ERBB4: variants seen among roughly 807,000 people sequenced by gnomAD.
ERBB4 encodes the protein erb-b2 receptor tyrosine kinase 4.
In ERBB4, 42 loss-of-function variants were observed where a neutral mutation model predicts 158.0. That is an observed-to-expected ratio of 0.27 (90% CI 0.21 to 0.34). ERBB4 has a LOEUF of 0.34. Among genes scored for constraint, ERBB4 ranks in the 10% least tolerant of loss-of-function variants. The probability of loss-of-function intolerance (pLI) is 1.00; values close to 1 mark genes in which losing one functional copy is unlikely to be tolerated. For synonymous variants in ERBB4, 583 were observed against 558.7 expected (o/e 1.04, Z -0.61); for missense variants, 1,333 against 1,624.1 (o/e 0.82, Z 3.08).
intron 6 of ERBB4, among the ~76,000 whole-genome samples, chr2:211,723,204 G>A (rs186358443): frequency 6.2e-4 from 95 of 152,076 alleles, no homozygotes; most frequent in African/African-American, 1.5e-3. Flanking sequence ...CTGCTGACTC[G>A]TATATTTATA....
intron 20 of ERBB4, among the ~76,000 whole-genome samples, chr2:211,450,545 T>C (rs2064219618): frequency 6.6e-6 from 1 of 152,080 alleles, no homozygotes; most frequent in Non-Finnish European, 1.5e-5. Context: ...GTAATCGATT[T>C]GAAAGAAATT....
At chr2:212,228,168 G>T (rs1439889567) in intron 1 of ERBB4, among the ~76,000 whole-genome samples, 1 of 152,110 alleles carries the variant, frequency 6.6e-6, no homozygotes, top group Non-Finnish European at 1.5e-5. Flanking sequence ...GCACCATAAA[G>T]ATTTTAAAAA....
chr2:211,984,496 T>G (rs2125238322), intron 2 of ERBB4, among the ~76,000 whole-genome samples: 1 of 152,326 alleles, frequency 6.6e-6, no homozygotes, highest in Admixed American at 6.5e-5. Context: ...AACACTAATC[T>G]AAACCCTGTA....
At chr2:212,351,720 T>C (rs2089261132) in intron 1 of ERBB4, among the ~76,000 whole-genome samples, 1 of 152,222 alleles carries the variant, frequency 6.6e-6, no homozygotes, top group Admixed American at 6.5e-5. Context: ...AGTCATTTTT[T>C]TGTCTTTCTA....
intron 4 of ERBB4, among the ~76,000 whole-genome samples, chr2:211,772,477 G>C (rs868419517): frequency 2.0e-5 from 3 of 151,768 alleles, no homozygotes; most frequent in African/African-American, 7.3e-5. Context: ...AAAAGACCTA[G>C]GGGAAGATAA....
intron 1 of ERBB4, among the ~76,000 whole-genome samples, chr2:212,321,192 T>C (rs1047974011): frequency 8.0e-5 from 12 of 150,406 alleles, no homozygotes; most frequent in African/African-American, 2.7e-4. Flanking sequence ...AAGTTTTATA[T>C]TTTGCCATCG....
At chr2:212,020,392 G>A (rs1181425471) in intron 2 of ERBB4, among the ~76,000 whole-genome samples, 2 of 151,956 alleles carry the variant, frequency 1.3e-5, no homozygotes, top group Non-Finnish European at 2.9e-5. Flanking sequence ...TTGTTCTACT[G>A]GATATATCCA....
intron 12 of ERBB4, among the ~76,000 whole-genome samples, chr2:211,682,394 GC>G (rs2105970018): frequency 6.6e-6 from 1 of 152,180 alleles, no homozygotes; most frequent in Admixed American, 6.5e-5. Context: ...ACCAGATGAT[GC>G]CCACCCACAC....
intron 1 of ERBB4, among the ~76,000 whole-genome samples, chr2:212,365,156 A>G (rs1161858070): frequency 6.6e-6 from 1 of 151,678 alleles, no homozygotes; most frequent in East Asian, 1.9e-4. Flanking sequence ...TCTTTTAGGA[A>G]CACAAAATAA....
intron 20 of ERBB4, among the ~76,000 whole-genome samples, chr2:211,519,046 C>A (rs1300701366): frequency 6.6e-6 from 1 of 152,000 alleles, no homozygotes; most frequent in Non-Finnish European, 1.5e-5. Flanking sequence ...TGGGAACAGG[C>A]AAAGACCCCT....
chr2:212,457,367 C>A (rs1236784834), intron 1 of ERBB4, among the ~76,000 whole-genome samples: 1 of 152,048 alleles, frequency 6.6e-6, no homozygotes, highest in Non-Finnish European at 1.5e-5. Flanking sequence ...CAACCATCTA[C>A]ACTATCTTTC....
Position 212,435,607 on chromosome 2 carries a change from A to T in ERBB4, c.82+102842T>A, listed in dbSNP as rs987950431. Among the ~76,000 whole-genome samples, 3 of 152,002 alleles carry T rather than the reference A, an allele frequency of 2.0e-5. No individual in the cohort carries two copies. The East Asian group carries it at 5.8e-4, about 29-fold the overall frequency. On this transcript the variant is annotated intron_variant, in intron 1 of 27. Coordinates refer to ENST00000342788, the MANE Select transcript of ERBB4 (RefSeq NM_005235.3). ...AATTAGAAGAAATCTATAGTGCAAG[A>T]ATAAAAACATTAATAAAGCCAATGA...
At chr2:212,382,685 A>G (rs1397907224) in intron 1 of ERBB4, among the ~76,000 whole-genome samples, 1 of 151,392 alleles carries the variant, frequency 6.6e-6, no homozygotes, top group Admixed American at 6.6e-5. Flanking sequence ...CTAGATTACA[A>G]GAATAACAGC....
intron 1 of ERBB4, among the ~76,000 whole-genome samples, chr2:212,156,288 C>T (rs959251194): frequency 1.3e-5 from 2 of 151,940 alleles, no homozygotes; most frequent in African/African-American, 4.8e-5. Flanking sequence ...AAAGCAGGAA[C>T]AGAAACACCT....
At chr2:211,808,477 A>G (rs748523956) in intron 3 of ERBB4, among the ~76,000 whole-genome samples, 2 of 151,750 alleles carry the variant, frequency 1.3e-5, no homozygotes, top group African/African-American at 4.8e-5. Context: ...GTTCTGTTCC[A>G]TTGGTCTATA....
intron 19 of ERBB4, among the ~76,000 whole-genome samples, chr2:211,583,661 A>C (rs2068174491): frequency 1.3e-5 from 2 of 151,718 alleles, no homozygotes; most frequent in Middle Eastern, 4.8e-3. Context: ...ACTGTCTTTT[A>C]TCACCTTTAA....
chr2:212,062,844 C>T (rs116639396), intron 2 of ERBB4, among the ~76,000 whole-genome samples: 1,645 of 152,262 alleles, frequency 0.011, 24 homozygotes, highest in African/African-American at 0.037. Context: ...TGAAACCAGA[C>T]TGGCCTGTGT....
At chr2:211,787,556 C>T (rs767190599) in intron 4 of ERBB4, among the ~76,000 whole-genome samples, 6 of 152,028 alleles carry the variant, frequency 3.9e-5, no homozygotes, top group Non-Finnish European at 8.8e-5. Flanking sequence ...TAAAGTATGA[C>T]CACGAAGGCT....
chr2:211,533,025 T>A (rs1020369015), intron 20 of ERBB4, among the ~76,000 whole-genome samples: 3 of 73,974 alleles, frequency 4.1e-5, no homozygotes, highest in African/African-American at 1.4e-4. Context: ...TAACATATAT[T>A]ATAAATAATA....
Sources: allele counts gnomAD v4.1 joint callset (sites outside exome capture counted in the v4.1 genomes callset), GRCh38; gene constraint gnomAD v4.1.1; transcripts MANE v1.5; gene names NCBI Gene and HGNC (gene_info 2026-07-23, HGNC 2026-07-21).